Variants in IFNGR1 observed in about 807,000 individuals in gnomAD.
IFNGR1 encodes the protein AVP, type 2.
In IFNGR1, 23 loss-of-function variants were observed where a neutral mutation model predicts 35.4. The observed-to-expected ratio is 0.65, with a 90% confidence interval of 0.47 to 0.92. IFNGR1 has a LOEUF of 0.92. IFNGR1 is among the 40% of genes least tolerant of loss of function. IFNGR1 has a pLI of 0.00. For synonymous variants in IFNGR1, 199 were observed against 209.5 expected, an observed-to-expected ratio of 0.95 and a Z score of 0.43; for missense variants, 533 against 583.4, an observed-to-expected ratio of 0.91 and a Z score of 0.89.
chr6:137,215,661 G>A (rs1238564433), intron 1 of IFNGR1, among the ~76,000 whole-genome samples: 1 of 152,098 alleles, frequency 6.6e-6, no homozygotes, highest in Non-Finnish European at 1.5e-5. Flanking sequence ...TAAGATAGCT[G>A]TTTATTACTT....
chr6:137,202,958 A>AC (rs367796969), intron 5 of IFNGR1, among the ~76,000 whole-genome samples: 4 of 151,460 alleles, frequency 2.6e-5, no homozygotes, highest in Non-Finnish European at 4.4e-5. Flanking sequence ...CTACCTCCCC[A>AC]CCCCCCACAT....
chr6:137,204,969 G>T (rs1415428504), intron 3 of IFNGR1, among the ~76,000 whole-genome samples: 1 of 152,072 alleles, frequency 6.6e-6, no homozygotes, highest in Non-Finnish European at 1.5e-5. Context: ...ATATTTATTA[G>T]GTCTTTGATG....
rs56059705 is a variant in IFNGR1 at position 137,205,940 on chromosome 6, G to A, written c.373+196C>T. On this transcript the variant is annotated intron_variant, in intron 3 of 6. Transcript: ENST00000367739. ...TATTTCCTTTGAGTGCCATGCTGGC[G>A]CTCAAAAAGTTTCAGATTTTGGAGC... Among the ~76,000 whole-genome samples the A allele has an allele frequency of 1.8e-3, 269 of 152,194 alleles. 8 individuals carry two copies. The South Asian group carries it at 0.052, about 30-fold the overall frequency.
rs554227520 is a variant in IFNGR1, at chr6:137,216,269, C to T, written c.85+2974G>A. ...TGTACAAGGTCAGTGAAGAGCCTTCCAGTTGGTGTGAAGTCCAGCCTAGCT... is the reference window on the plus strand; with the variant it reads ...TGTACAAGGTCAGTGAAGAGCCTTCTAGTTGGTGTGAAGTCCAGCCTAGCT... On this transcript the variant is annotated intron_variant, in intron 1 of 6. Transcript: ENST00000367739. 1.8e-3 allele frequency among the ~76,000 whole-genome samples: 279 copies of T among 152,264 alleles called. 1 individual carries two copies. Among genetic ancestry groups the T allele is most frequent in the African/African-American group, 6.2e-3 (259 of 41,560 alleles).
At chr6:137,200,405 T>G (rs988773159) in intron 6 of IFNGR1, among the ~76,000 whole-genome samples, 1 of 152,200 alleles carries the variant, frequency 6.6e-6, no homozygotes. Flanking sequence ...ATGAAGTGTT[T>G]CTGTATTTGC....
At chr6:137,211,390 G>C (rs988856742) in intron 1 of IFNGR1, among the ~76,000 whole-genome samples, 1 of 152,200 alleles carries the variant, frequency 6.6e-6, no homozygotes, top group Admixed American at 6.5e-5. Context: ...ATTGCCAAAA[G>C]ATCTAACTTC....
rs1437957645 is a variant in IFNGR1 at position 137,206,227 on chromosome 6, T to C, written c.282A>G (p.Pro94=). ...TAACTCTGACCCAAAGAGAATTTGA[T>C]GGATCACCAACATGATCAGAAATAT... ...YCNISDHVGD[P]SNSLWVRVKA... The change falls in exon 3 of 7, where the codon CCA becomes CCG. Residue 94 remains proline (P), a synonymous_variant. Transcript: ENST00000367739. The C allele has an allele frequency of 6.2e-7, 1 of 1,612,042 alleles. No individual in the cohort carries two copies.
At chr6:137,199,704 T>TA (rs1418512451) in intron 6 of IFNGR1, among the ~76,000 whole-genome samples, 3 of 146,704 alleles carry the variant, frequency 2.0e-5, no homozygotes, top group Non-Finnish European at 4.5e-5. Flanking sequence ...GTACGCACAT[T>TA]ATGTTTACAA....
intron 6 of IFNGR1, among the ~76,000 whole-genome samples, chr6:137,200,145 T>C (rs1165380091): frequency 6.6e-6 from 1 of 152,208 alleles, no homozygotes; most frequent in African/African-American, 2.4e-5. Context: ...TAAAATATTA[T>C]AATTCATTTG....
At position 137,198,598 on chromosome 6, in the gene IFNGR1, T is replaced by G. The variant is rs1562282564; in HGVS notation, c.903A>C (p.Glu301Asp). The G allele has an allele frequency of 6.2e-7, 1 of 1,613,772 alleles. No individual in the cohort carries two copies. The highest frequency in any genetic ancestry group is 2.2e-5 in the East Asian group (1 of 44,894). The change falls in exon 7 of 7, where the codon GAA becomes GAC. Residue 301 changes from glutamate to aspartate, a missense_variant. By Grantham distance (45) the Glu-to-Asp change is conservative (BLOSUM62 2). Coordinates refer to ENST00000367739, the MANE Select transcript of IFNGR1 (RefSeq NM_000416.3). ...ACGTGATGAGTGATACATATTTTGA[T>G]TCAGGTTTTGTCTCTAAAGTAGCAC... ...VRSATLETKP[E>D]SKYVSLITSY...
At chr6:137,200,763 A>G in intron 6 of IFNGR1, 118 bp downstream of exon 6, 1 of 858,328 alleles carries the variant, frequency 1.2e-6, no homozygotes, top group Non-Finnish European at 1.8e-6. Context: ...AGACTGACTG[A>G]TTGATGGCAG....
At chr6:137,209,218 A>T (rs1196222428) in intron 1 of IFNGR1, among the ~76,000 whole-genome samples, 1 of 152,232 alleles carries the variant, frequency 6.6e-6, no homozygotes, top group East Asian at 1.9e-4. Flanking sequence ...GCTCACAGGC[A>T]GAAAGGACTT....
intron 1 of IFNGR1, among the ~76,000 whole-genome samples, chr6:137,209,097 C>T (rs914454737): frequency 6.6e-6 from 1 of 152,206 alleles, no homozygotes; most frequent in Admixed American, 6.5e-5. Context: ...TGCATGGGCT[C>T]TATAACTCCT....
intron 6 of IFNGR1, among the ~76,000 whole-genome samples, chr6:137,199,167 A>G (rs369734796): frequency 6.6e-6 from 1 of 151,196 alleles, no homozygotes; most frequent in Non-Finnish European, 1.5e-5. Flanking sequence ...GAATTCTTCA[A>G]GTTTGGAGCT....
At chr6:137,206,529 C>A in intron 2 of IFNGR1, 1 of 492,344 alleles carries the variant, frequency 2.0e-6, no homozygotes, top group East Asian at 3.4e-5. Context: ...AATGTAAGAC[C>A]TATGCAAGCC....
chr6:137,208,617 G>A (rs1426354360), intron 1 of IFNGR1, among the ~76,000 whole-genome samples: 1 of 152,220 alleles, frequency 6.6e-6, no homozygotes, highest in African/African-American at 2.4e-5. Context: ...CTTCCACATG[G>A]TGTTGAGCCT....
chr6:137,203,624 G>A lies in IFNGR1; in HGVS notation c.608C>T (p.Ala203Val), dbSNP rs1258321707. ...DDCDEIQCQL[A>V]IPVSSLNSQY... Reference sequence around the variant, plus strand: ...AGAATTCAGTGAGGATACTGGAATCGCTAACTGGCACTGAATCTCGTCACA... The same window carrying A: ...AGAATTCAGTGAGGATACTGGAATCACTAACTGGCACTGAATCTCGTCACA... Residue 203 changes from alanine (A) to valine (V), a missense_variant, in exon 5 of 7, where the codon GCG becomes GTG. Physicochemically the swap from Ala to Val is moderately conservative, Grantham distance 64. Transcript: ENST00000367739. 17 of 1,610,910 alleles carry A rather than the reference G, an allele frequency of 1.1e-5. No homozygotes were observed. The highest frequency in any genetic ancestry group is 3.3e-5 in the Admixed American group (2 of 59,958).
intron 1 of IFNGR1, chr6:137,218,357 G>A: frequency 1.8e-6 from 1 of 560,314 alleles, no homozygotes. Context: ...CTGCACTTCA[G>A]AAAAGCCACC....
At chr6:137,199,567 A>T (rs1463695030) in intron 6 of IFNGR1, among the ~76,000 whole-genome samples, 252 of 65,306 alleles carry the variant, frequency 3.9e-3, no homozygotes, top group East Asian at 7.5e-3. Context: ...AAATATATAT[A>T]ATATATAATA....
Sources: gnomAD v4.1 joint callset for allele counts (sites outside exome capture counted in the v4.1 genomes callset) on GRCh38, gnomAD v4.1.1 for gene constraint, MANE v1.5 for transcripts, NCBI Gene and HGNC (gene_info 2026-07-23, HGNC 2026-07-21) for gene names.